MORC1: variants seen among roughly 807,000 people sequenced by gnomAD.
MORC1 encodes MORC family CW-type zinc finger 1, also known as MORC family CW-type zinc finger protein 1.
MORC1 carries 59 observed loss-of-function variants against 134.9 expected under a neutral mutation model. That is an observed-to-expected ratio of 0.44 (90% confidence interval 0.35 to 0.54). The LOEUF (loss-of-function observed/expected upper bound fraction) is 0.54. MORC1 is among the 20% of genes least tolerant of loss of function. The pLI is 0.00. For synonymous variants in MORC1, 395 were observed against 391.7 expected (o/e 1.01, Z -0.10); for missense variants, 947 against 1,134.5 (o/e 0.83, Z 2.37).
At chr3:109,059,977 AT>A in intron 11 of MORC1, 107 bp from the exon 12 acceptor site, 1 of 808,114 alleles carries the variant, frequency 1.2e-6, no homozygotes, top group Non-Finnish European at 2.0e-6. Context: ...AATAGCTCAC[AT>A]TACCTAATGC....
chr3:109,104,823 C>T lies in MORC1; in HGVS notation c.155-906G>A, dbSNP rs556694541. Among the ~76,000 whole-genome samples, 3 of 151,896 alleles carry T rather than the reference C, an allele frequency of 2.0e-5. No individual in the cohort carries two copies. In the South Asian group the frequency reaches 6.2e-4, roughly 32 times the overall value. ...GTGTTATTCAGGAATAATTTATGCACAATAAACTGCACATGTTTAAAGTGC... is the reference window on the plus strand; with the variant it reads ...GTGTTATTCAGGAATAATTTATGCATAATAAACTGCACATGTTTAAAGTGC... On this transcript the variant is annotated intron_variant, in intron 3 of 27. Transcript: ENST00000232603.
At chr3:108,996,286 G>GCGCACGCACACACACACACACACA in intron 21 of MORC1, among the ~76,000 whole-genome samples, 2 of 146,382 alleles carry the variant, frequency 1.4e-5, no homozygotes, top group Non-Finnish European at 3.0e-5. Flanking sequence ...GCGCGCGCGC[G>GCGCACGCACACACACACACACACA]CACACACACA....
chr3:109,113,215 A>C (rs1003470736), intron 2 of MORC1, among the ~76,000 whole-genome samples: 30 of 152,290 alleles, frequency 2.0e-4, no homozygotes, highest in African/African-American at 7.0e-4. Flanking sequence ...AAGCTAATCA[A>C]AAGTGTTTAT....
At chr3:108,996,239 C>T (rs1948203491) in intron 21 of MORC1, among the ~76,000 whole-genome samples, 1 of 148,490 alleles carries the variant, frequency 6.7e-6, no homozygotes, top group Admixed American at 6.7e-5. Context: ...CCTGACGCTA[C>T]CACAATACAC....
intron 12 of MORC1, 116 bp downstream of exon 12, chr3:109,059,690 T>C: frequency 1.4e-6 from 1 of 725,254 alleles, no homozygotes; most frequent in Non-Finnish European, 2.2e-6. Context: ...GATTATAAGA[T>C]GTCACAAGCT....
In MORC1 at chr3:108,963,394, A is replaced by T. The variant is rs776807087; in HGVS notation, c.2799+20T>A. The T allele has an allele frequency of 1.9e-6, 3 of 1,599,878 alleles. No homozygotes were observed. In the South Asian group the frequency reaches 3.4e-5, roughly 18 times the overall value. The stretch of plus-strand genomic sequence containing the variant: ...CCATAGAGTCTACTCCTACTGCTCA[A>T]ATACAACTTTTTCACTCACCAGTTG... On this transcript the variant is annotated intron_variant, in intron 27 of 27. Coordinates refer to ENST00000232603, the MANE Select transcript of MORC1 (RefSeq NM_014429.4).
intron 20 of MORC1, among the ~76,000 whole-genome samples, chr3:109,001,768 T>C (rs991223491): frequency 2.0e-5 from 3 of 152,206 alleles, no homozygotes; most frequent in African/African-American, 4.8e-5. Context: ...TCCTTAGGTA[T>C]GTAAATACCT....
In MORC1 at chr3:108,984,739, G is replaced by C; in HGVS notation, c.2301C>G (p.Ser767Arg). The C allele has an allele frequency of 6.2e-7, 1 of 1,608,914 alleles. No homozygotes were observed. Residue 767 changes from serine (S) to arginine (R), a missense_variant, in exon 23 of 28, where the codon AGC (serine) becomes AGG (arginine). By Grantham distance (110) the Ser-to-Arg change is moderately radical. Transcript: ENST00000232603. ...ACCTTTTCCAGCTAGGTAATGAAGA[G>C]CTTCTTTTCATTGCTAGAACATCAT... Reference protein sequence around the residue: ...LCNDVLAMKRSSSLPSWKSLL... With the variant: ...LCNDVLAMKRRSSLPSWKSLL...
chr3:109,056,811 C>G (rs115247640), intron 13 of MORC1, among the ~76,000 whole-genome samples: 2 of 152,148 alleles, frequency 1.3e-5, no homozygotes, highest in Non-Finnish European at 2.9e-5. Flanking sequence ...CTTTTCTGTG[C>G]GTCTCTTCAG....
intron 20 of MORC1, among the ~76,000 whole-genome samples, chr3:109,003,414 C>CACACACAT (rs1948457736): frequency 6.6e-6 from 1 of 151,676 alleles, no homozygotes; most frequent in Admixed American, 6.6e-5. Context: ...CACACACACA[C>CACACACAT]ACACACACAC....
intron 5 of MORC1, among the ~76,000 whole-genome samples, chr3:109,100,072 T>C (rs549270127): frequency 6.6e-6 from 1 of 152,200 alleles, no homozygotes; most frequent in South Asian, 2.1e-4. Context: ...GGTGAAACTC[T>C]GTCTCTACAA....
At chr3:109,043,846 T>C (rs1034532746) in intron 14 of MORC1, among the ~76,000 whole-genome samples, 1 of 152,200 alleles carries the variant, frequency 6.6e-6, no homozygotes, top group African/African-American at 2.4e-5. Flanking sequence ...AGTGGAATAA[T>C]GTCTCTTCCA....
intron 17 of MORC1, among the ~76,000 whole-genome samples, chr3:109,011,772 T>C (rs1049254096): frequency 1.3e-5 from 2 of 152,162 alleles, no homozygotes; most frequent in Admixed American, 6.5e-5. Flanking sequence ...CCGCCCACCT[T>C]GGCCTCCCAA....
chr3:109,116,608 T>C (rs1328753971), intron 1 of MORC1, among the ~76,000 whole-genome samples: 1 of 152,016 alleles, frequency 6.6e-6, no homozygotes, highest in African/African-American at 2.4e-5. Flanking sequence ...CCATCTCTAC[T>C]AAAAATTTTT....
chr3:108,965,819 A>T (rs1205821568), intron 26 of MORC1, among the ~76,000 whole-genome samples: 3 of 152,174 alleles, frequency 2.0e-5, no homozygotes, highest in Non-Finnish European at 4.4e-5. Flanking sequence ...GAAAGAAAGA[A>T]GCAAAAACAA....
At chr3:109,051,233 C>G (rs1471731731) in intron 14 of MORC1, among the ~76,000 whole-genome samples, 1 of 152,184 alleles carries the variant, frequency 6.6e-6, no homozygotes, top group Non-Finnish European at 1.5e-5. Context: ...CTCCATTTCT[C>G]TTTTTGCTGA....
intron 17 of MORC1, among the ~76,000 whole-genome samples, chr3:109,011,524 GTTT>G (rs577815272): frequency 7.2e-6 from 1 of 138,342 alleles, no homozygotes. Flanking sequence ...CTTTGTTTTT[GTTT>G]TTTTTTTTTT....
chr3:108,996,099 C>A (rs1948197331), intron 21 of MORC1, among the ~76,000 whole-genome samples: 1 of 152,038 alleles, frequency 6.6e-6, no homozygotes, highest in Non-Finnish European at 1.5e-5. Flanking sequence ...TGACCTTTAG[C>A]AAGTTTAATT....
At chr3:109,116,905 G>A (rs901427363) in intron 1 of MORC1, among the ~76,000 whole-genome samples, 4 of 152,174 alleles carry the variant, frequency 2.6e-5, no homozygotes, top group African/African-American at 7.2e-5. Context: ...TGGTACTGGG[G>A]AAGTGGCTAC....
Sources: allele counts gnomAD v4.1 joint callset (sites outside exome capture counted in the v4.1 genomes callset), GRCh38; gene constraint gnomAD v4.1.1; transcripts MANE v1.5; gene names NCBI Gene and HGNC (gene_info 2026-07-23, HGNC 2026-07-21).